Variants in CRYBG3 observed in about 807,000 individuals in gnomAD.
CRYBG3 encodes the protein crystallin beta-gamma domain containing 3, also known as very large A-kinase anchor protein.
A neutral mutation model predicts 244.2 loss-of-function variants in CRYBG3; 127 were observed. The observed-to-expected ratio is 0.52, with a 90% CI of 0.45 to 0.60. The LOEUF is 0.60. Among genes scored for constraint, CRYBG3 ranks in the 20% least tolerant of loss-of-function variants. The pLI, the probability that CRYBG3 is intolerant of heterozygous loss-of-function variation, is 0.00. For synonymous variants in CRYBG3, 1,132 were observed against 1,195.8 expected, an observed-to-expected ratio of 0.95 and a Z score of 1.10; for missense variants, 3,325 against 3,442.5, an observed-to-expected ratio of 0.97 and a Z score of 0.85.
chr3:97,910,606 T>A (rs111865326), intron 15 of CRYBG3, among the ~76,000 whole-genome samples: 1 of 152,138 alleles, frequency 6.6e-6, no homozygotes, highest in Non-Finnish European at 1.5e-5. Flanking sequence ...CCTGCTTCGG[T>A]TCGCGCACGG....
intron 2 of CRYBG3, among the ~76,000 whole-genome samples, chr3:97,857,384 T>C (rs1407011700): frequency 6.6e-6 from 1 of 151,980 alleles, no homozygotes; most frequent in Non-Finnish European, 1.5e-5. Flanking sequence ...GTTTGTTAGG[T>C]CTATAGTGAA....
Position 97,943,249 on chromosome 3 carries a change from C to A in CRYBG3, c.8848C>A (p.His2950Asn). 5.7e-6 allele frequency: 9 copies of A among 1,585,080 alleles called. No individual in the cohort carries two copies. The highest frequency in any genetic ancestry group is 7.8e-6 in the Non-Finnish European group (9 of 1,156,742). ...AGGAGGAAATTATTGTGACAAGACTCATGTAATTGTAAATCAGCCCCTGGA... is the reference window on the plus strand; with the variant it reads ...AGGAGGAAATTATTGTGACAAGACTAATGTAATTGTAAATCAGCCCCTGGA... ...VKGGNYCDKT[H>N]VIVNQPLEGE... Residue 2950 changes from histidine (H) to asparagine (N), a missense_variant, in exon 22 of 22, where the codon CAT (histidine) becomes AAT (asparagine). Physicochemically the swap from His to Asn is moderately conservative, Grantham distance 68 (BLOSUM62 1). This residue lies in a region of CRYBG3 where 714 missense variants were observed against 803.6 expected (regional missense o/e 0.89). Coordinates refer to ENST00000389622, the MANE Select transcript of CRYBG3 (RefSeq NM_153605.4).
intron 2 of CRYBG3, among the ~76,000 whole-genome samples, chr3:97,854,075 A>C (rs2039027782): frequency 6.6e-6 from 1 of 152,146 alleles, no homozygotes; most frequent in Non-Finnish European, 1.5e-5. Context: ...AATTTGTTGA[A>C]TAGGCTGTCC....
intron 15 of CRYBG3, among the ~76,000 whole-genome samples, chr3:97,900,807 A>T (rs976076183): frequency 2.0e-5 from 3 of 152,156 alleles, no homozygotes; most frequent in Non-Finnish European, 4.4e-5. Context: ...AGAATATTAT[A>T]TTTATTTCTG....
At chr3:97,886,022 T>G (rs933030068) in intron 7 of CRYBG3, among the ~76,000 whole-genome samples, 3 of 152,128 alleles carry the variant, frequency 2.0e-5, no homozygotes, top group African/African-American at 7.2e-5. Flanking sequence ...GGGTGCATGA[T>G]TTTTTAAGAC....
intron 17 of CRYBG3, among the ~76,000 whole-genome samples, chr3:97,926,902 C>T (rs986414155): frequency 6.6e-6 from 1 of 152,046 alleles, no homozygotes; most frequent in South Asian, 2.1e-4. Flanking sequence ...CAGAACACTG[C>T]TGAAAGAACT....
intron 2 of CRYBG3, among the ~76,000 whole-genome samples, chr3:97,853,027 T>C (rs1468880037): frequency 6.6e-6 from 1 of 152,156 alleles, no homozygotes; most frequent in Non-Finnish European, 1.5e-5. Flanking sequence ...CTAATTATTT[T>C]AATAGTTTAG....
rs941068124 is a variant in CRYBG3 at position 97,873,533 on chromosome 3, C to T, written c.2339C>T (p.Pro780Leu). 4 of 1,535,906 alleles carry T rather than the reference C, an allele frequency of 2.6e-6. No individual in the cohort carries two copies. Among genetic ancestry groups the T allele is most frequent in the African/African-American group, 1.4e-5 (1 of 73,128 alleles). The change falls in exon 4 of 22, where the codon CCT (proline) becomes CTT (leucine). Residue 780 changes from proline to leucine, a missense_variant. Physicochemically the swap from Pro to Leu is moderately conservative, Grantham distance 98. Transcript: ENST00000389622. ...TGCAGTTCCATTTTATCTCAAGACC[C>T]TAATAGAGTAGAGTTAGTGTCTTCA... ...KDCSSILSQD[P>L]NRVELVSSNT... is the part of the protein sequence containing the mutation.
At position 97,874,688 on chromosome 3, in the gene CRYBG3, A is replaced by T; in HGVS notation, c.3494A>T (p.Asn1165Ile). The change falls in exon 4 of 22, where the codon AAC (asparagine) becomes ATC (isoleucine). Residue 1165 changes from asparagine (N) to isoleucine (I), a missense_variant. Physicochemically the swap from Asn to Ile is moderately radical, Grantham distance 149 (BLOSUM62 -3). Coordinates refer to ENST00000389622, the MANE Select transcript of CRYBG3 (RefSeq NM_153605.4). ...GAVAGPAASV[N>I]SSGQQCSEAS... ...GTTGCTGGGCCTGCAGCGTCAGTTA[A>T]CAGCTCAGGCCAACAGTGTTCTGAA... 1.3e-6 allele frequency: 2 copies of T among 1,535,856 alleles called. No homozygotes were observed. The highest frequency in any genetic ancestry group is 2.4e-5 in the South Asian group (2 of 84,020).
chr3:97,887,957 G>T (rs2039528966), intron 8 of CRYBG3, among the ~76,000 whole-genome samples: 1 of 152,136 alleles, frequency 6.6e-6, no homozygotes, highest in Admixed American at 6.6e-5. Flanking sequence ...AAAACACCTT[G>T]TGGAATCCCT....
rs565902722 is a variant in CRYBG3 at position 97,872,093 on chromosome 3, C to A, written c.899C>A (p.Pro300Gln). The stretch of plus-strand genomic sequence containing the variant: ...ATGAAAGGAAATCTACTTGAAGGCC[C>A]ATTAGAAGACTCTGATTGTAGCAAA... ...SSMKGNLLEG[P>Q]LEDSDCSKTS... The change falls in exon 4 of 22, where the codon CCA becomes CAA. Residue 300 changes from proline to glutamine, a missense_variant. By Grantham distance (76) the Pro-to-Gln change is moderately conservative. Coordinates refer to ENST00000389622, the MANE Select transcript of CRYBG3 (RefSeq NM_153605.4). The A allele has an allele frequency of 3.0e-4, 455 of 1,535,930 alleles. 4 individuals carry two copies. The East Asian group carries it at 0.011, about 37-fold the overall frequency.
intron 1 of CRYBG3, among the ~76,000 whole-genome samples, chr3:97,825,439 C>T (rs954583919): frequency 5.3e-5 from 8 of 152,158 alleles, no homozygotes; most frequent in African/African-American, 1.9e-4. Context: ...TACTTCTGGG[C>T]TGGGTACTTT....
At chr3:97,837,761 G>A (rs149053232) in intron 1 of CRYBG3, among the ~76,000 whole-genome samples, 4 of 152,204 alleles carry the variant, frequency 2.6e-5, no homozygotes, top group South Asian at 2.1e-4. Flanking sequence ...ACCAAAGATC[G>A]CTTCCTCTCT....
At chr3:97,843,314 GTTAA>G in intron 2 of CRYBG3, 53 bp downstream of exon 2, 1 of 844,712 alleles carries the variant, frequency 1.2e-6, no homozygotes, top group Non-Finnish European at 1.8e-6. Context: ...TTAAATTGCT[GTTAA>G]TTCTTTTAGA....
rs1310032774 is a variant in CRYBG3 at position 97,856,485 on chromosome 3, T to C, written c.217-7732T>C. The stretch of plus-strand genomic sequence containing the variant: ...ATTGATTGGGGAAGTGATAAGTGTC[T>C]ATGAAATCTTTACAATTTATGTTTA... On this transcript the variant is annotated intron_variant, in intron 2 of 21. Transcript: ENST00000389622. Among the ~76,000 whole-genome samples the C allele has an allele frequency of 5.9e-5, 9 of 152,310 alleles. 1 individual carries two copies. Among genetic ancestry groups the C allele is most frequent in the African/African-American group, 2.2e-4 (9 of 41,580 alleles).
chr3:97,911,912 C>T (rs1366073254), intron 15 of CRYBG3, among the ~76,000 whole-genome samples: 3 of 152,160 alleles, frequency 2.0e-5, no homozygotes, highest in Admixed American at 6.5e-5. Context: ...TTCTAGGCCT[C>T]TCTTCCCACA....
chr3:97,896,260 A>T (rs780539953), intron 12 of CRYBG3, among the ~76,000 whole-genome samples, 175 bp downstream of exon 12: 1 of 151,976 alleles, frequency 6.6e-6, no homozygotes, highest in South Asian at 2.1e-4. Flanking sequence ...TTATTATGGA[A>T]TTTTTTTTAA....
At chr3:97,854,120 G>A (rs1460735438) in intron 2 of CRYBG3, among the ~76,000 whole-genome samples, 1 of 152,070 alleles carries the variant, frequency 6.6e-6, no homozygotes, top group Non-Finnish European at 1.5e-5. Flanking sequence ...CTTTGTTGAA[G>A]ATCAGTTGGC....
intron 2 of CRYBG3, among the ~76,000 whole-genome samples, chr3:97,861,384 A>T (rs898771679): frequency 5.3e-5 from 8 of 152,160 alleles, no homozygotes; most frequent in Non-Finnish European, 1.5e-5. Flanking sequence ...TAATATAATG[A>T]TGAGTATGTT....
Sources: allele counts gnomAD v4.1 joint callset (sites outside exome capture counted in the v4.1 genomes callset), GRCh38; gene constraint gnomAD v4.1.1; regional missense constraint gnomAD v4.1.1; transcripts MANE v1.5; gene names NCBI Gene and HGNC (gene_info 2026-07-23, HGNC 2026-07-21).